FER1L6: variants seen among roughly 807,000 people sequenced by gnomAD.
The protein encoded by FER1L6 is fer-1-like protein 6.
FER1L6 carries 177 observed loss-of-function variants against 219.2 expected under a neutral mutation model. The observed-to-expected ratio is 0.81, with a 90% CI of 0.71 to 0.91. FER1L6 has a LOEUF of 0.91. FER1L6 is among the 40% of genes least tolerant of loss of function. The pLI, the probability that FER1L6 is intolerant of heterozygous loss-of-function variation, is 0.00. For missense variants in FER1L6, 2,153 were observed against 2,259.9 expected (o/e 0.95, Z 0.96); for synonymous variants, 768 against 824.3 (o/e 0.93, Z 1.17).
chr8:123,985,950 G>A (rs984533607), intron 11 of FER1L6, 118 bp from the exon 12 acceptor site: 109 of 633,794 alleles, frequency 1.7e-4, no homozygotes, highest in Middle Eastern at 3.2e-4. Flanking sequence ...GCCATTTCAG[G>A]CTGAAACAGA....
chr8:124,021,449 AG>A, intron 16 of FER1L6, 100 bp from the exon 17 acceptor site: 1 of 1,477,474 alleles, frequency 6.8e-7, no homozygotes, highest in Non-Finnish European at 9.3e-7. Context: ...TGAGTGACTC[AG>A]TGTGGAGCTC....
At chr8:123,956,827 T>A (rs1247091142) in intron 2 of FER1L6, among the ~76,000 whole-genome samples, 2 of 152,102 alleles carry the variant, frequency 1.3e-5, no homozygotes, top group Non-Finnish European at 2.9e-5. Flanking sequence ...GGGATGTAAA[T>A]CCAGGCTGTC....
chr8:124,035,822 T>C (rs892383562), intron 19 of FER1L6, among the ~76,000 whole-genome samples: 1 of 152,246 alleles, frequency 6.6e-6, no homozygotes, highest in African/African-American at 2.4e-5. Flanking sequence ...TTTACTTTTA[T>C]GTGGCATTCG....
intron 28 of FER1L6, 35 bp downstream of exon 28, chr8:124,067,841 A>G: frequency 1.3e-6 from 2 of 1,572,164 alleles, no homozygotes; most frequent in Non-Finnish European, 8.8e-7. Flanking sequence ...TGTCCATAGA[A>G]TAGGGCCATC....
At chr8:123,930,381 A>C (rs762528719) in intron 1 of FER1L6, among the ~76,000 whole-genome samples, 5 of 151,894 alleles carry the variant, frequency 3.3e-5, no homozygotes, top group African/African-American at 7.3e-5. Flanking sequence ...CTTGGTGCCT[A>C]TAAAGATACT....
intron 1 of FER1L6, among the ~76,000 whole-genome samples, chr8:123,910,967 G>A (rs772378709): frequency 6.6e-6 from 1 of 152,120 alleles, no homozygotes; most frequent in South Asian, 2.1e-4. Flanking sequence ...AGTGGGATGG[G>A]CAGTGAGGTC....
intron 1 of FER1L6, among the ~76,000 whole-genome samples, chr8:123,944,233 TA>T (rs1473331145): frequency 6.6e-6 from 1 of 150,888 alleles, no homozygotes; most frequent in Non-Finnish European, 1.5e-5. Flanking sequence ...ATAATGATAA[TA>T]AAATTAATGA....
chr8:123,996,299 G>A (rs1417246464), intron 12 of FER1L6, among the ~76,000 whole-genome samples: 1 of 152,052 alleles, frequency 6.6e-6, no homozygotes, highest in Non-Finnish European at 1.5e-5. Flanking sequence ...TTTCTCTTTA[G>A]CTCTAATAAT....
chr8:123,957,627 T>C (rs1287283067), intron 2 of FER1L6, among the ~76,000 whole-genome samples: 1 of 152,126 alleles, frequency 6.6e-6, no homozygotes, highest in Non-Finnish European at 1.5e-5. Context: ...AGCTAATAAA[T>C]GGAGAAGCTG....
At chr8:124,066,393 T>G (rs753334632) in intron 26 of FER1L6, 35 bp from the exon 27 acceptor site, 2 of 1,603,434 alleles carry the variant, frequency 1.2e-6, no homozygotes, top group South Asian at 1.1e-5. Context: ...CCAAATGAGG[T>G]TGAACTAATA....
chr8:123,967,538 A>C (rs550220033), intron 5 of FER1L6, among the ~76,000 whole-genome samples: 1 of 152,368 alleles, frequency 6.6e-6, no homozygotes, highest in South Asian at 2.1e-4. Context: ...TAAAATTTCC[A>C]TGTCGCTAAT....
At chr8:124,098,557 T>A (rs1434379770) in intron 37 of FER1L6, among the ~76,000 whole-genome samples, 3 of 152,162 alleles carry the variant, frequency 2.0e-5, no homozygotes, top group African/African-American at 4.8e-5. Context: ...AAATTCTCAT[T>A]TTTTTCACAA....
chr8:123,909,206 G>A (rs1414478710), intron 1 of FER1L6, among the ~76,000 whole-genome samples: 1 of 152,128 alleles, frequency 6.6e-6, no homozygotes, highest in Non-Finnish European at 1.5e-5. Flanking sequence ...GAAAGATGAA[G>A]AGGGAGAAAG....
intron 1 of FER1L6, among the ~76,000 whole-genome samples, chr8:123,884,360 A>G (rs1450763380): frequency 7.1e-6 from 1 of 140,722 alleles, no homozygotes; most frequent in African/African-American, 2.6e-5. Flanking sequence ...CGAAGCTGCC[A>G]AGGGGCAGCT....
chr8:124,101,940 G>A (rs1457349351), intron 38 of FER1L6, among the ~76,000 whole-genome samples: 6 of 152,138 alleles, frequency 3.9e-5, no homozygotes, highest in Admixed American at 2.0e-4. Context: ...CTTCCAGTTC[G>A]TAGGCAGATT....
At chr8:123,993,544 C>T (rs1473918458) in intron 12 of FER1L6, among the ~76,000 whole-genome samples, 1 of 152,036 alleles carries the variant, frequency 6.6e-6, no homozygotes, top group African/African-American at 2.4e-5. Context: ...TACAGACTTT[C>T]CTGCTGAGCC....
At position 123,949,578 on chromosome 8, in the gene FER1L6, A is replaced by G. The variant is rs542972679; in HGVS notation, c.-7-6414A>G. 3.9e-5 allele frequency among the ~76,000 whole-genome samples: 6 copies of G among 152,310 alleles called. No homozygotes were observed. The East Asian group carries it at 1.2e-3, about 29-fold the overall frequency. ...CTACCTCAATTGCTGGTGAAGCTCAATTGGAGGAAGCTGTTTGGACTAGAG... is the reference window on the plus strand; with the variant it reads ...CTACCTCAATTGCTGGTGAAGCTCAGTTGGAGGAAGCTGTTTGGACTAGAG... On this transcript the variant is annotated intron_variant, in intron 1 of 40. Transcript: ENST00000522917.
intron 8 of FER1L6, 90 bp from the exon 9 acceptor site, chr8:123,975,808 T>C (rs1213013225): frequency 9.7e-7 from 1 of 1,026,522 alleles, no homozygotes; most frequent in Non-Finnish European, 1.4e-6. Flanking sequence ...TATATTGGGA[T>C]CTTTCTTTCT....
intron 2 of FER1L6, among the ~76,000 whole-genome samples, chr8:123,957,686 C>T (rs1410071588): frequency 6.6e-6 from 1 of 152,150 alleles, no homozygotes; most frequent in Non-Finnish European, 1.5e-5. Context: ...TTTCCTACCC[C>T]ATGGGCAGCC....
Sources: allele counts gnomAD v4.1 joint callset (sites outside exome capture counted in the v4.1 genomes callset), GRCh38; gene constraint gnomAD v4.1.1; transcripts MANE v1.5; gene names NCBI Gene and HGNC (gene_info 2026-07-23, HGNC 2026-07-21).